The following MAP3K20 variants were observed in gnomAD, a reference collection of about 807,000 sequenced individuals.
The protein encoded by MAP3K20 is mitogen-activated protein kinase kinase kinase 20.
In MAP3K20, 40 loss-of-function variants were observed where a neutral mutation model predicts 85.7. The observed-to-expected ratio is 0.47, with a 90% CI of 0.36 to 0.61. MAP3K20 has a LOEUF of 0.61. Among genes scored for constraint, MAP3K20 ranks in the 20% least tolerant of loss-of-function variants. The pLI is 0.00. For synonymous variants in MAP3K20, 325 were observed against 327.7 expected (o/e 0.99, Z 0.09); for missense variants, 817 against 961.7 (o/e 0.85, Z 1.99).
intron 2 of MAP3K20, among the ~76,000 whole-genome samples, chr2:173,144,486 G>A (rs796617570): frequency 2.7e-4 from 32 of 120,222 alleles, no homozygotes; most frequent in East Asian, 2.6e-4. Flanking sequence ...AAAAAAAAAA[G>A]AAAAGAAAGA....
intron 2 of MAP3K20, among the ~76,000 whole-genome samples, chr2:173,114,723 A>G (rs1413128858): frequency 6.6e-6 from 1 of 152,198 alleles, no homozygotes; most frequent in Non-Finnish European, 1.5e-5. Context: ...GAGGCCGAAG[A>G]TAGGGCCCCA....
At chr2:173,212,195 C>T (rs927544757) in intron 10 of MAP3K20, 46 of 152,160 alleles carry the variant, frequency 3.0e-4, no homozygotes, top group Admixed American at 9.2e-4. Context: ...ATTCATTGAA[C>T]TTCTGCTGGT....
At chr2:173,218,451 A>T (rs1018724941) in intron 11 of MAP3K20, among the ~76,000 whole-genome samples, 1 of 152,232 alleles carries the variant, frequency 6.6e-6, no homozygotes, top group African/African-American at 2.4e-5. Context: ...GCCACATTTT[A>T]TCTGTGAATT....
At chr2:173,166,945 C>T (rs1167687953) in intron 2 of MAP3K20, 1 of 140,810 alleles carries the variant, frequency 7.1e-6, no homozygotes, top group Non-Finnish European at 1.5e-5. Context: ...CGGAGTCTCG[C>T]TCTTTCGCCC....
At chr2:173,134,426 A>ATTTTTTTTTTT (rs1457014949) in intron 2 of MAP3K20, among the ~76,000 whole-genome samples, 12 of 4,672 alleles carry the variant, frequency 2.6e-3, no homozygotes, top group Admixed American at 3.8e-3. Flanking sequence ...ATATATATAT[A>ATTTTTTTTTTT]TATTTTTTTT....
intron 1 of MAP3K20, chr2:173,090,486 C>A: frequency 3.5e-6 from 1 of 284,298 alleles, no homozygotes. Flanking sequence ...TTGGAGTCAA[C>A]GTTTATTGTG....
intron 3 of MAP3K20, among the ~76,000 whole-genome samples, chr2:173,176,225 T>TG (rs1478361992): frequency 3.3e-5 from 5 of 152,152 alleles, no homozygotes; most frequent in African/African-American, 9.6e-5. Context: ...TTTCATGAAA[T>TG]GCCTCAGTTT....
At chr2:173,192,143 A>G (rs912083105) in intron 7 of MAP3K20, among the ~76,000 whole-genome samples, 1 of 152,228 alleles carries the variant, frequency 6.6e-6, no homozygotes, top group Admixed American at 6.5e-5. Context: ...TTTCATAGTA[A>G]TGGGTAAAGA....
chr2:173,103,671 A>G (rs561059581), intron 2 of MAP3K20, among the ~76,000 whole-genome samples: 2 of 152,302 alleles, frequency 1.3e-5, no homozygotes, highest in East Asian at 1.9e-4. Context: ...TAGATTCTCT[A>G]TTCAAGCCTA....
rs775951451 is a variant in MAP3K20 at position 173,232,178 on chromosome 2, CCTCT to C, written c.1033-11_1033-8del. On this transcript the variant is annotated splice_polypyrimidine_tract_variant and intron_variant, in intron 12 of 19. Coordinates refer to ENST00000375213, the MANE Select transcript of MAP3K20 (RefSeq NM_016653.3). The stretch of plus-strand genomic sequence containing the variant: ...TGTGAATCTTCAAAACCGTATGTGT[CCTCT>C]CTTTCACAGTATTGTTGGGTTCAGC... 1.9e-6 allele frequency: 3 copies of C among 1,614,162 alleles called. No individual in the cohort carries two copies. The South Asian group carries it at 3.3e-5, about 18-fold the overall frequency.
At chr2:173,090,561 T>G in intron 1 of MAP3K20, 1 of 951,358 alleles carries the variant, frequency 1.1e-6, no homozygotes, top group Non-Finnish European at 1.3e-6. Context: ...GTTGTGTATA[T>G]TTTGTGTGAA....
At chr2:173,076,137 C>A in intron 1 of MAP3K20, 135 bp downstream of exon 1, 1 of 592,102 alleles carries the variant, frequency 1.7e-6, no homozygotes, top group Non-Finnish European at 2.1e-6. Flanking sequence ...GGAGGCTCCT[C>A]GGGGCTCCCC....
intron 8 of MAP3K20, among the ~76,000 whole-genome samples, chr2:173,201,226 T>C (rs553713330): frequency 5.9e-5 from 9 of 152,298 alleles, no homozygotes; most frequent in South Asian, 2.1e-4. Context: ...TTAAATCCTA[T>C]TAAAACTAGA....
At chr2:173,188,794 T>A (rs1308824457) in intron 5 of MAP3K20, among the ~76,000 whole-genome samples, 1 of 152,302 alleles carries the variant, frequency 6.6e-6, no homozygotes, top group Non-Finnish European at 1.5e-5. Flanking sequence ...ACTTTTGATA[T>A]ATGGTCAGCT....
intron 2 of MAP3K20, among the ~76,000 whole-genome samples, chr2:173,168,028 T>C (rs538623847): frequency 6.6e-6 from 1 of 152,104 alleles, no homozygotes; most frequent in African/African-American, 2.4e-5. Context: ...GCTTTGTGAT[T>C]TCCAAACTGC....
At chr2:173,181,765 C>A (rs967517504) in intron 3 of MAP3K20, among the ~76,000 whole-genome samples, 1 of 151,872 alleles carries the variant, frequency 6.6e-6, no homozygotes, top group African/African-American at 2.4e-5. Context: ...AAACATTATG[C>A]GGCCAGGCGC....
intron 2 of MAP3K20, among the ~76,000 whole-genome samples, chr2:173,091,992 A>AATAATTGGC (rs1687314997): frequency 6.6e-6 from 1 of 152,246 alleles, no homozygotes; most frequent in African/African-American, 2.4e-5. Context: ...CTGTTTTGGC[A>AATAATTGGC]AATTATTGTT....
chr2:173,162,682 G>A (rs188732523), intron 2 of MAP3K20, among the ~76,000 whole-genome samples: 1,953 of 121,072 alleles, frequency 0.016, 23 homozygotes, highest in Middle Eastern at 0.03. Flanking sequence ...ATGAAACTCC[G>A]TCTCCAAAAA....
intron 2 of MAP3K20, among the ~76,000 whole-genome samples, chr2:173,152,609 G>A (rs1287802881): frequency 6.6e-6 from 1 of 152,182 alleles, no homozygotes; most frequent in Non-Finnish European, 1.5e-5. Context: ...AAGGTGTTAA[G>A]TAGAGTGACA....
Sources: gnomAD v4.1 joint callset for allele counts (sites outside exome capture counted in the v4.1 genomes callset) on GRCh38, gnomAD v4.1.1 for gene constraint, MANE v1.5 for transcripts, NCBI Gene and HGNC (gene_info 2026-07-23, HGNC 2026-07-21) for gene names.